Variants in ARHGEF17 observed in about 807,000 individuals in gnomAD.
ARHGEF17 encodes 164 kDa Rho-specific guanine-nucleotide exchange factor.
Under a neutral mutation model 174.0 loss-of-function variants are expected in ARHGEF17, and 80 were observed. The observed-to-expected ratio is 0.46, with a 90% confidence interval of 0.38 to 0.55. The LOEUF is 0.55. Ranked by LOEUF, ARHGEF17 falls within the 20% of genes least tolerant of loss-of-function variation. The pLI is 0.00. For synonymous variants in ARHGEF17, 1,311 were observed against 1,189.1 expected (o/e 1.10, Z -2.11); for missense variants, 2,886 against 2,839.7 (o/e 1.02, Z -0.37).
At position 73,359,827 on chromosome 11, in the gene ARHGEF17, C is replaced by T. The variant is rs965912492; in HGVS notation, c.4088-7C>T. ...TATCAGTCCACGGCCTTCCTCTCTC[C>T]CTCTAGGGGCATCCCAAGCCACCAA... On this transcript the variant is annotated splice_polypyrimidine_tract_variant and splice_region_variant and intron_variant, in intron 9 of 20. Transcript: ENST00000263674. 6.3e-7 allele frequency: 1 copy of T among 1,588,256 alleles called. No homozygotes were observed. The highest frequency in any genetic ancestry group is 1.2e-5 in the South Asian group (1 of 86,390).
In ARHGEF17 at chr11:73,311,525, C is replaced by A; in HGVS notation, c.2887C>A (p.Pro963Thr). ...SSRHVRHASV[P>T]ATFMPIVVPE... The stretch of plus-strand genomic sequence containing the variant: ...CAGACACGTTCGCCATGCCAGTGTG[C>A]CCGCCACATTTATGCCTATTGTGGT... Residue 963 changes from proline to threonine, a missense_variant, in exon 1 of 21, where the codon CCC (proline) becomes ACC (threonine). Pro to Thr is a conservative substitution (Grantham distance 38). This residue lies in a region of ARHGEF17 where 1,728 missense variants were observed against 1,461.2 expected (regional missense o/e 1.18). Transcript: ENST00000263674. The A allele has an allele frequency of 6.2e-7, 1 of 1,613,468 alleles. No individual in the cohort carries two copies. The highest frequency in any genetic ancestry group is 8.5e-7 in the Non-Finnish European group (1 of 1,180,034).
chr11:73,360,074 CA>C, intron 10 of ARHGEF17, 122 bp downstream of exon 10: 1 of 1,061,682 alleles, frequency 9.4e-7, no homozygotes, highest in Non-Finnish European at 1.3e-6. Flanking sequence ...CATCTGAAGG[CA>C]AAAATCGCAG....
At position 73,356,355 on chromosome 11, in the gene ARHGEF17, C is replaced by G. The variant is rs577348062; in HGVS notation, c.3840+4C>G. On this transcript the variant is annotated splice_donor_region_variant and intron_variant, in intron 6 of 20. Transcript: ENST00000263674. The stretch of plus-strand genomic sequence containing the variant: ...TCACATCGAGGGCATGGAGGATGTG[C>G]GTGCGCCCTGCCCCACCCCACCCTA... 2 of 1,604,686 alleles carry G rather than the reference C, an allele frequency of 1.2e-6. No individual in the cohort carries two copies. Among genetic ancestry groups the G allele is most frequent in the South Asian group, 2.2e-5 (2 of 90,280 alleles).
chr11:73,355,674 T>G (rs1367431230), intron 4 of ARHGEF17, 25 bp downstream of exon 4: 10 of 1,605,020 alleles, frequency 6.2e-6, no homozygotes, highest in Non-Finnish European at 7.7e-6. Flanking sequence ...GGCAGGGGGA[T>G]GGAGGTGACC....
At chr11:73,339,766 G>A (rs1007176399) in intron 1 of ARHGEF17, among the ~76,000 whole-genome samples, 2 of 152,196 alleles carry the variant, frequency 1.3e-5, no homozygotes, top group Non-Finnish European at 2.9e-5. Flanking sequence ...CTGGAGTGGG[G>A]TGGTACTCTT....
At chr11:73,321,980 G>A (rs565115805) in intron 1 of ARHGEF17, among the ~76,000 whole-genome samples, 8 of 152,272 alleles carry the variant, frequency 5.3e-5, no homozygotes, top group South Asian at 4.1e-4. Flanking sequence ...AGCAGGAAGC[G>A]GGGAGGCAGA....
At chr11:73,357,526 T>C (rs2298807) in intron 9 of ARHGEF17, among the ~76,000 whole-genome samples, 199 bp downstream of exon 9, 48,763 of 152,154 alleles carry the variant, frequency 0.32, 10,666 homozygotes, top group African/African-American at 0.63. Context: ...CCATGTACAC[T>C]TCCTTCCAAC....
In ARHGEF17 at chr11:73,345,920, G is replaced by A. The variant is rs538044220; in HGVS notation, c.3193-963G>A. The stretch of plus-strand genomic sequence containing the variant: ...GAGTCTCTGCCAGAGAAGGGAAGTT[G>A]TTGGGGCTGGTGCTATCTGGGAAGG... On this transcript the variant is annotated intron_variant, in intron 1 of 20. Coordinates refer to ENST00000263674, the MANE Select transcript of ARHGEF17 (RefSeq NM_014786.4). Among the ~76,000 whole-genome samples, 114 of 152,286 alleles carry A rather than the reference G, an allele frequency of 7.5e-4. 2 individuals carry two copies. The highest frequency in any genetic ancestry group is 2.6e-3 in the African/African-American group (110 of 41,538).
At chr11:73,314,481 T>A (rs1864896133) in intron 1 of ARHGEF17, among the ~76,000 whole-genome samples, 1 of 152,194 alleles carries the variant, frequency 6.6e-6, no homozygotes, top group Admixed American at 6.5e-5. Context: ...TCTTTGTCTC[T>A]CAGTTTTCCC....
In ARHGEF17 at chr11:73,362,982, C is replaced by T. The variant is rs569964912; in HGVS notation, c.4997-224C>T. On this transcript the variant is annotated intron_variant, in intron 14 of 20. Transcript: ENST00000263674. ...GGGGTGCTGGTGGAGTGGGGACCCA[C>T]GGTGTGGCCACTGGGTCTGAGGGGC... is the stretch of plus-strand genomic sequence containing the variant. Among the ~76,000 whole-genome samples the T allele has an allele frequency of 3.9e-5, 6 of 152,258 alleles. No homozygotes were observed. In the East Asian group the frequency reaches 7.7e-4, roughly 20 times the overall value.
chr11:73,354,377 C>A (rs1183016754), intron 3 of ARHGEF17, among the ~76,000 whole-genome samples: 1 of 152,198 alleles, frequency 6.6e-6, no homozygotes, highest in Non-Finnish European at 1.5e-5. Flanking sequence ...TTCTTCACAC[C>A]CTGCCCTGTT....
Position 73,352,200 on chromosome 11 carries a change from T to C in ARHGEF17, c.3271-630T>C, listed in dbSNP as rs201568399. The stretch of plus-strand genomic sequence containing the variant: ...CTAGCTGAGTGTTGTGGCGCAGACC[T>C]GTAATCCCAGCTACTCGGGAGGCTG... On this transcript the variant is annotated intron_variant, in intron 2 of 20. Transcript: ENST00000263674. Among the ~76,000 whole-genome samples the C allele has an allele frequency of 1.4e-4, 21 of 152,224 alleles. No individual in the cohort carries two copies. In the East Asian group the frequency reaches 3.7e-3, roughly 27 times the overall value.
chr11:73,331,303 TA>T (rs764159773), intron 1 of ARHGEF17, among the ~76,000 whole-genome samples: 1 of 152,194 alleles, frequency 6.6e-6, no homozygotes, highest in Non-Finnish European at 1.5e-5. Context: ...AGAGAGATCT[TA>T]AGGCCCATGC....
chr11:73,354,288 C>G (rs190807620), intron 3 of ARHGEF17, among the ~76,000 whole-genome samples: 2 of 152,290 alleles, frequency 1.3e-5, no homozygotes, highest in East Asian at 3.9e-4. Context: ...ACGGCGAAGC[C>G]CTGGACCCGG....
Position 73,365,573 on chromosome 11 carries a change from C to T in ARHGEF17, c.5725+9C>T, listed in dbSNP as rs758808522. The T allele has an allele frequency of 6.2e-7, 1 of 1,613,748 alleles. No homozygotes were observed. The highest frequency in any genetic ancestry group is 2.2e-5 in the East Asian group (1 of 44,876). On this transcript the variant is annotated intron_variant, in intron 19 of 20. Coordinates refer to ENST00000263674, the MANE Select transcript of ARHGEF17 (RefSeq NM_014786.4). The surrounding 1 kb of genome is among the most constrained non-coding windows in gnomAD (Gnocchi z 4.9). ...GCACAGGATGCTGGCAGGTACTGAC[C>T]TCAAACTACCACAGCACCCTCCTTG...
At position 73,367,860 on chromosome 11, in the gene ARHGEF17, T is replaced by C. The variant is rs951811770; in HGVS notation, c.*80T>C. ...CTCTCCCTAGCCCACACGCAGACTT[T>C]GACCAGGAGTATCCAGCCAGGGGCA... On this transcript the variant is annotated 3_prime_UTR_variant, in exon 21 of 21. Coordinates refer to ENST00000263674, the MANE Select transcript of ARHGEF17 (RefSeq NM_014786.4). The C allele has an allele frequency of 3.5e-6, 5 of 1,435,946 alleles. No homozygotes were observed. The Admixed American group carries it at 9.7e-5, about 28-fold the overall frequency. 89.0% of individuals were successfully genotyped at this position (1,435,946 alleles called of 1,614,324 possible). A position where few individuals can be genotyped will look rare whatever the true frequency, so the allele number is the denominator to read the frequency against.
chr11:73,365,209 A>G lies in ARHGEF17; in HGVS notation c.5551-181A>G. 1.6e-6 allele frequency: 1 copy of G among 642,452 alleles called. No individual in the cohort carries two copies. 39.8% of individuals were successfully genotyped at this position (642,452 alleles called of 1,614,324 possible). A position where few individuals can be genotyped will look rare whatever the true frequency, so the allele number is the denominator to read the frequency against. Reference sequence around the variant, plus strand: ...AGTTTAATGGGGAAAAAGCACCTCCATTGTAATTCCTGAGAACTAAGTTGG... The same window carrying G: ...AGTTTAATGGGGAAAAAGCACCTCCGTTGTAATTCCTGAGAACTAAGTTGG... On this transcript the variant is annotated intron_variant, in intron 18 of 20. Transcript: ENST00000263674. This position sits in a 1 kb window ranked among gnomAD's most constrained non-coding sequence, Gnocchi z 4.9.
chr11:73,355,904 T>A lies in ARHGEF17; in HGVS notation c.3614T>A (p.Leu1205His). 1 of 1,614,152 alleles carries A rather than the reference T, an allele frequency of 6.2e-7. No homozygotes were observed. Among genetic ancestry groups the A allele is most frequent in the Non-Finnish European group, 8.5e-7 (1 of 1,180,026 alleles). ...ENKEKQALSDLMIKPVQRIPR... is the reference protein window; with the variant it reads ...ENKEKQALSDHMIKPVQRIPR... ...AAGGAGAAGCAGGCGCTGTCTGACCTCATGATCAAGCCTGTGCAGCGGATC... is the reference window on the plus strand; with the variant it reads ...AAGGAGAAGCAGGCGCTGTCTGACCACATGATCAAGCCTGTGCAGCGGATC... The change falls in exon 5 of 21, where the codon CTC (leucine) becomes CAC (histidine). Residue 1205 changes from leucine to histidine, a missense_variant. By Grantham distance (99) the Leu-to-His change is moderately conservative (BLOSUM62 -3). Transcript: ENST00000263674.
rs725104 is a variant in ARHGEF17 at position 73,321,493 on chromosome 11, G to A, written c.3192+9663G>A. Among the ~76,000 whole-genome samples, 896 of 152,314 alleles carry A rather than the reference G, an allele frequency of 5.9e-3. 10 individuals are homozygous for A. The highest frequency in any genetic ancestry group is 0.02 in the African/African-American group (847 of 41,570). On this transcript the variant is annotated intron_variant, in intron 1 of 20. Transcript: ENST00000263674. ...CACAACTGACTCTGACCCCTTGCCG[G>A]GTGATATTAACAAGTCATTGGATCC...
Sources: gnomAD v4.1 joint callset for allele counts (sites outside exome capture counted in the v4.1 genomes callset) on GRCh38, gnomAD v4.1.1 for gene constraint, gnomAD v4.1.1 regional missense constraint, Gnocchi (gnomAD v3.1) non-coding constraint, MANE v1.5 for transcripts, NCBI Gene and HGNC (gene_info 2026-07-23, HGNC 2026-07-21) for gene names.